MEAK7: variants seen among roughly 807,000 people sequenced by gnomAD.
The protein encoded by MEAK7 is MTOR associated protein MEAK7, also known as MTOR-associated protein MEAK7.
A neutral mutation model predicts 40.5 loss-of-function variants in MEAK7; 68 were observed. That is an observed-to-expected ratio of 1.68 (90% CI 1.38 to 2.06). The LOEUF is 2.06. Among genes scored for constraint, MEAK7 ranks in the 30% most tolerant of loss-of-function variants. The pLI is 0.00. For synonymous variants in MEAK7, 338 were observed against 231.9 expected (o/e 1.46, Z -4.16); for missense variants, 918 against 580.5 (o/e 1.58, Z -5.98).
chr16:84,491,877 A>T (rs12931500), intron 3 of MEAK7, among the ~76,000 whole-genome samples: 1 of 152,066 alleles, frequency 6.6e-6, no homozygotes, highest in African/African-American at 2.4e-5. Context: ...ACAGATTTAA[A>T]TTTTTTTAAA....
intron 1 of MEAK7, among the ~76,000 whole-genome samples, chr16:84,504,353 G>A (rs1914722806): frequency 1.3e-5 from 2 of 152,134 alleles, no homozygotes. Flanking sequence ...CACATAAACA[G>A]CGGGAGGTGC....
chr16:84,491,404 T>G (rs36139298), intron 3 of MEAK7, among the ~76,000 whole-genome samples: 65,024 of 151,624 alleles, frequency 0.43, 14,624 homozygotes, highest in South Asian at 0.6. Context: ...CCAGGTATGG[T>G]GACACACACC....
chr16:84,492,732 C>A (rs1161128167), intron 3 of MEAK7, among the ~76,000 whole-genome samples: 3 of 152,098 alleles, frequency 2.0e-5, no homozygotes, highest in Non-Finnish European at 4.4e-5. Context: ...CAGGTGTGTG[C>A]CACCACGCCT....
intron 1 of MEAK7, among the ~76,000 whole-genome samples, chr16:84,499,410 C>T (rs1223625445): frequency 6.6e-6 from 1 of 152,058 alleles, no homozygotes; most frequent in Non-Finnish European, 1.5e-5. Context: ...GGTATTTAGC[C>T]AAGGGGGAAA....
rs767393474 is a variant in MEAK7 at position 84,480,702 on chromosome 16, C to G, written c.1084G>C (p.Gly362Arg). 4.6e-5 allele frequency: 74 copies of G among 1,611,156 alleles called. No individual in the cohort carries two copies. In the East Asian group the frequency reaches 1.3e-3, roughly 29 times the overall value. The part of the protein sequence containing the change: ...QQTIPNGLGM[G>R]GQHNYFGLWV... ...AGCCCAAAGTAATTGTGCTGCCCCC[C>G]CATACCCTGCAAAGGAAGCCAGGAC... The change falls in exon 7 of 8, where the codon GGG (glycine) becomes CGG (arginine). Residue 362 changes from glycine to arginine, a missense_variant. Physicochemically the swap from Gly to Arg is moderately radical, Grantham distance 125. Coordinates refer to ENST00000343629, the MANE Select transcript of MEAK7 (RefSeq NM_020947.4).
chr16:84,495,011 A>G (rs148014711), intron 3 of MEAK7, among the ~76,000 whole-genome samples: 70 of 152,342 alleles, frequency 4.6e-4, no homozygotes, highest in African/African-American at 1.5e-3. Context: ...GCTCATGCCT[A>G]TAATCCTACC....
intron 6 of MEAK7, among the ~76,000 whole-genome samples, chr16:84,482,200 T>C (rs961098951): frequency 6.6e-6 from 1 of 152,186 alleles, no homozygotes; most frequent in African/African-American, 2.4e-5. Context: ...TGCTGTCTCA[T>C]GAGCTGCCGG....
At position 84,477,920 on chromosome 16, in the gene MEAK7, G is replaced by C. The variant is rs1354178792; in HGVS notation, c.*1993C>G. On this transcript the variant is annotated 3_prime_UTR_variant, in exon 8 of 8. Coordinates refer to ENST00000343629, the MANE Select transcript of MEAK7 (RefSeq NM_020947.4). ...ACTGCCTGGAAGCAGGTGCATTCGT[G>C]ATCTGCACTCTCCTTAGAACAAGCT... 1.3e-5 allele frequency: 2 copies of C among 152,122 alleles called. No homozygotes were observed. The highest frequency in any genetic ancestry group is 2.9e-5 in the Non-Finnish European group (2 of 68,044). 9.4% of individuals were successfully genotyped at this position (152,122 alleles called of 1,614,324 possible).
chr16:84,503,574 TA>T (rs1271513866), intron 1 of MEAK7, among the ~76,000 whole-genome samples: 1 of 152,208 alleles, frequency 6.6e-6, no homozygotes, highest in Non-Finnish European at 1.5e-5. Flanking sequence ...CATCATTAAT[TA>T]ATTTCTTTAA....
chr16:84,480,151 T>G, intron 7 of MEAK7, 125 bp from the exon 8 acceptor site: 1 of 740,264 alleles, frequency 1.4e-6, no homozygotes. Flanking sequence ...CCCCTCCCAC[T>G]CTGGGATTCA....
chr16:84,504,309 T>C (rs1333612565), intron 1 of MEAK7, among the ~76,000 whole-genome samples: 6 of 152,164 alleles, frequency 3.9e-5, no homozygotes, highest in Admixed American at 3.9e-4. Flanking sequence ...GCCTTGGCCC[T>C]GGGGGAAGCA....
chr16:84,484,359 G>A (rs961115270), intron 5 of MEAK7, among the ~76,000 whole-genome samples: 3 of 152,258 alleles, frequency 2.0e-5, no homozygotes, highest in East Asian at 1.9e-4. Flanking sequence ...CCTGACGCTC[G>A]GCCGCCGAGG....
chr16:84,504,262 G>T, intron 1 of MEAK7: 1 of 608,438 alleles, frequency 1.6e-6, no homozygotes, highest in Non-Finnish European at 2.1e-6. Flanking sequence ...CCCTTTCCGC[G>T]TCTACACAGG....
intron 5 of MEAK7, 119 bp downstream of exon 5, chr16:84,486,512 C>G: frequency 6.8e-7 from 1 of 1,462,738 alleles, no homozygotes; most frequent in Non-Finnish European, 9.0e-7. Context: ...CCGACTGCGT[C>G]TAGAGAAACA....
At position 84,503,267 on chromosome 16, in the gene MEAK7, C is replaced by T. The variant is rs544665589; in HGVS notation, c.-26+1334G>A. On this transcript the variant is annotated intron_variant, in intron 1 of 7. Coordinates refer to ENST00000343629, the MANE Select transcript of MEAK7 (RefSeq NM_020947.4). Reference sequence around the variant, plus strand: ...ATTTGTGTTGGATGTCATTCAAAGCCGCCTTAGGCCACATATGGCCCACGG... The same window carrying T: ...ATTTGTGTTGGATGTCATTCAAAGCTGCCTTAGGCCACATATGGCCCACGG... Among the ~76,000 whole-genome samples, 9 of 152,246 alleles carry T rather than the reference C, an allele frequency of 5.9e-5. No individual in the cohort carries two copies. In the South Asian group the frequency reaches 1.7e-3, roughly 28 times the overall value.
chr16:84,490,590 G>T (rs192275645), intron 3 of MEAK7, among the ~76,000 whole-genome samples: 15 of 148,036 alleles, frequency 1.0e-4, no homozygotes, highest in Admixed American at 5.5e-4. Flanking sequence ...GGTAGTAAAA[G>T]ATTTAAAATG....
intron 1 of MEAK7, among the ~76,000 whole-genome samples, chr16:84,502,452 A>G (rs750605033): frequency 1.2e-4 from 18 of 152,088 alleles, no homozygotes; most frequent in Non-Finnish European, 2.5e-4. Context: ...AGCGGAACAA[A>G]ATGGAAGCGG....
intron 3 of MEAK7, chr16:84,494,918 G>C (rs1037694946): frequency 9.5e-6 from 4 of 422,514 alleles, no homozygotes; most frequent in African/African-American, 8.4e-5. Flanking sequence ...GCTGAGTCTT[G>C]CAAGAAACTG....
intron 2 of MEAK7, among the ~76,000 whole-genome samples, chr16:84,496,487 C>G (rs1477051532): frequency 2.6e-5 from 4 of 152,204 alleles, no homozygotes. Flanking sequence ...CTATTAAACT[C>G]TCCGCTCCTT....
Sources: allele counts gnomAD v4.1 joint callset (sites outside exome capture counted in the v4.1 genomes callset), GRCh38; gene constraint gnomAD v4.1.1; transcripts MANE v1.5; gene names NCBI Gene and HGNC (gene_info 2026-07-23, HGNC 2026-07-21).